The following LCA5 variants were observed in gnomAD, a reference collection of about 807,000 sequenced individuals.
The protein encoded by LCA5 is lebercilin LCA5.
A neutral mutation model predicts 53.0 loss-of-function variants in LCA5; 37 were observed. The ratio of observed to expected loss-of-function variants is 0.70; its 90% CI spans 0.54 to 0.92. The LOEUF (loss-of-function observed/expected upper bound fraction) is 0.92, where lower values mean the gene tolerates loss of function less well. Among genes scored for constraint, LCA5 ranks in the 40% least tolerant of loss-of-function variants. The pLI is 0.00. For synonymous variants in LCA5, 303 were observed against 282.9 expected, an observed-to-expected ratio of 1.07 and a Z score of -0.71; for missense variants, 806 against 790.5, an observed-to-expected ratio of 1.02 and a Z score of -0.23.
intron 6 of LCA5, among the ~76,000 whole-genome samples, chr6:79,490,200 T>C (rs2575201): frequency 0.46 from 69,165 of 151,930 alleles, 16,871 homozygotes; most frequent in East Asian, 0.82. Flanking sequence ...CAACTTAGCT[T>C]GTACTCTAAG....
chr6:79,538,018 G>GTTTTTTTTTTTTTTTTTTTTTTTT (rs869197362), upstream of LCA5, among the ~76,000 whole-genome samples: 3 of 44,164 alleles, frequency 6.8e-5, 1 homozygote, highest in Non-Finnish European at 4.2e-5. Context: ...TTGCACACAA[G>GTTTTTTTTTTTTTTTTTTTTTTTT]TTTTTTTTTT....
chr6:79,499,773 C>A (rs1770082557), intron 3 of LCA5, among the ~76,000 whole-genome samples: 1 of 150,624 alleles, frequency 6.6e-6, no homozygotes, highest in Admixed American at 6.6e-5. Context: ...TATACATGTG[C>A]CATGCTGGTG....
Position 79,489,081 on chromosome 6 carries a change from T to TA in LCA5, c.1231+2dup. On this transcript the variant is annotated splice_region_variant and intron_variant, in intron 7 of 7. Coordinates refer to ENST00000369846, the MANE Select transcript of LCA5 (RefSeq NM_001122769.3). ...ACATGCTTAAACAAACTCTTTTTCT[T>TA]ACCATCCTCCAGCTTTTCAACCTCC... is the stretch of plus-strand genomic sequence containing the variant. The TA allele has an allele frequency of 6.2e-7, 1 of 1,613,002 alleles. No individual in the cohort carries two copies. The highest frequency in any genetic ancestry group is 8.5e-7 in the Non-Finnish European group (1 of 1,179,756).
rs2655655 is a variant in LCA5 at position 79,518,824 on chromosome 6, A to G, written c.71T>C (p.Leu24Ser). The change falls in exon 2 of 8, where the codon TTA (leucine) becomes TCA (serine). Residue 24 changes from leucine to serine, a missense_variant. By Grantham distance (145) the Leu-to-Ser change is moderately radical (BLOSUM62 -2). Transcript: ENST00000369846. Reference sequence around the variant, plus strand: ...AGACTGTGGCGTTTCAAAATCAGATAAGTAAGAATAATGGTGTTTGCCTGC... The same window carrying G: ...AGACTGTGGCGTTTCAAAATCAGATGAGTAAGAATAATGGTGTTTGCCTGC... ...RKAGKHHYSY[L>S]SDFETPQSSG... 0.81 allele frequency: 1,301,007 copies of G among 1,613,654 alleles called. 526,825 individuals carry two copies. Among genetic ancestry groups the G allele is most frequent in the East Asian group, 0.99 (44,298 of 44,866 alleles).
upstream of LCA5, among the ~76,000 whole-genome samples, chr6:79,537,631 C>G (rs759449672): frequency 2.0e-5 from 3 of 152,152 alleles, no homozygotes; most frequent in Non-Finnish European, 4.4e-5. Flanking sequence ...GCGGAGCGCT[C>G]CAGGCTCCTA....
chr6:79,533,518 A>G (rs1487150931), intron 1 of LCA5, among the ~76,000 whole-genome samples: 1 of 152,068 alleles, frequency 6.6e-6, no homozygotes, highest in African/African-American at 2.4e-5. Flanking sequence ...ATGCTACTAC[A>G]GCAATTAATA....
intron 3 of LCA5, among the ~76,000 whole-genome samples, chr6:79,494,233 T>TA (rs11385077): frequency 0.094 from 13,757 of 146,444 alleles, 1,354 homozygotes; most frequent in East Asian, 0.52. Context: ...AAGACTATCT[T>TA]AAAAAAAAAA....
chr6:79,511,057 C>CA lies in LCA5; in HGVS notation c.720+2154dup, dbSNP rs201506875. Among the ~76,000 whole-genome samples, 798 of 143,128 alleles carry CA rather than the reference C, an allele frequency of 5.6e-3. 9 individuals carry two copies. The highest frequency in any genetic ancestry group is 0.016 in the African/African-American group (642 of 39,110). The allele number at this position is 143,128 out of a possible 152,430, so 93.9% of individuals were successfully genotyped here. Reference sequence around the variant, plus strand: ...AAAAACAACAACAAAGAAAAAAATACAAAAAAAAAAGAGAATGGAATGGCA... The same window carrying CA: ...AAAAACAACAACAAAGAAAAAAATACAAAAAAAAAAAGAGAATGGAATGGCA... On this transcript the variant is annotated intron_variant, in intron 3 of 7. Transcript: ENST00000369846.
rs1015070890 is a variant in LCA5 at position 79,485,379 on chromosome 6, G to A, written c.*1625C>T. ...ATTACATAATATTTTACCAATAACT[G>A]CATTACAAATAATATTGTTTTACAT... On this transcript the variant is annotated 3_prime_UTR_variant, in exon 8 of 8. Transcript: ENST00000369846. 1 of 152,416 alleles carries A rather than the reference G, an allele frequency of 6.6e-6. No homozygotes were observed. Among genetic ancestry groups the A allele is most frequent in the East Asian group, 1.9e-4 (1 of 5,196 alleles). The allele number at this position is 152,416 out of a possible 1,614,324, so 9.4% of individuals were successfully genotyped here. A position where few individuals can be genotyped will look rare whatever the true frequency, so the allele number is the denominator to read the frequency against.
chr6:79,536,789 T>A (rs980415763), intron 1 of LCA5, among the ~76,000 whole-genome samples: 3 of 151,742 alleles, frequency 2.0e-5, no homozygotes, highest in Non-Finnish European at 4.4e-5. Context: ...GCCTCCGGGG[T>A]TTTTGTTTTG....
At chr6:79,494,490 TATAGATAG>T (rs533125153) in intron 3 of LCA5, among the ~76,000 whole-genome samples, 4 of 150,992 alleles carry the variant, frequency 2.6e-5, no homozygotes, top group Non-Finnish European at 4.4e-5. Context: ...TAAAGCATCT[TATAGATAG>T]ATAGATAGAT....
rs779614572 is a variant in LCA5, at chr6:79,489,265, G to A, written c.1099-49C>T. ...AAGTTCACAAATTATAGAAAAGGGG[G>A]GGAACTAAGCAACACAGATTTATCC... On this transcript the variant is annotated intron_variant, in intron 6 of 7. Transcript: ENST00000369846. 18 of 1,580,636 alleles carry A rather than the reference G, an allele frequency of 1.1e-5. No homozygotes were observed. In the African/African-American group the frequency reaches 2.0e-4, roughly 18 times the overall value.
chr6:79,514,898 A>C (rs1232723790), intron 2 of LCA5, among the ~76,000 whole-genome samples: 1 of 152,238 alleles, frequency 6.6e-6, no homozygotes, highest in Middle Eastern at 3.4e-3. Flanking sequence ...ATCAGGAAAA[A>C]TACCTAATGG....
intron 1 of LCA5, among the ~76,000 whole-genome samples, chr6:79,529,568 T>G (rs1582656392): frequency 6.6e-6 from 1 of 152,196 alleles, no homozygotes; most frequent in Non-Finnish European, 1.5e-5. Context: ...AGGGTAACCT[T>G]GTGAGGGGTA....
At chr6:79,519,878 T>A (rs1338364355) in intron 1 of LCA5, among the ~76,000 whole-genome samples, 3 of 152,044 alleles carry the variant, frequency 2.0e-5, no homozygotes, top group African/African-American at 7.2e-5. Flanking sequence ...TACATAAATA[T>A]ATCATCCTTT....
At chr6:79,508,221 A>G (rs926031736) in intron 3 of LCA5, among the ~76,000 whole-genome samples, 1 of 152,144 alleles carries the variant, frequency 6.6e-6, no homozygotes, top group African/African-American at 2.4e-5. Context: ...ATCTTACAAG[A>G]TAGGCTGTAA....
chr6:79,524,194 C>A (rs1766714391), intron 1 of LCA5, among the ~76,000 whole-genome samples: 1 of 152,206 alleles, frequency 6.6e-6, no homozygotes, highest in Non-Finnish European at 1.5e-5. Flanking sequence ...CAACTACATT[C>A]TAGACCTATT....
Position 79,486,951 on chromosome 6 carries a change from T to C in LCA5, c.*53A>G, listed in dbSNP as rs1157427474. 1.0e-5 allele frequency: 14 copies of C among 1,372,874 alleles called. No homozygotes were observed. Among genetic ancestry groups the C allele is most frequent in the Non-Finnish European group, 1.4e-5 (14 of 998,922 alleles). The allele number at this position is 1,372,874 out of a possible 1,614,324, so 85.0% of individuals were successfully genotyped here. A position where few individuals can be genotyped will look rare whatever the true frequency, so the allele number is the denominator to read the frequency against. ...AAGTCTAAATGTTTATAATAAATAC[T>C]GTATTAAAATATTTCAATATTTACA... On this transcript the variant is annotated 3_prime_UTR_variant, in exon 8 of 8. Coordinates refer to ENST00000369846, the MANE Select transcript of LCA5 (RefSeq NM_001122769.3).
intron 1 of LCA5, among the ~76,000 whole-genome samples, chr6:79,529,666 G>A (rs574231939): frequency 1.3e-5 from 2 of 152,130 alleles, no homozygotes; most frequent in African/African-American, 4.8e-5. Flanking sequence ...TATGTTTATT[G>A]CGGCACTACT....
Sources: gnomAD v4.1 joint callset for allele counts (sites outside exome capture counted in the v4.1 genomes callset) on GRCh38, gnomAD v4.1.1 for gene constraint, MANE v1.5 for transcripts, NCBI Gene and HGNC (gene_info 2026-07-23, HGNC 2026-07-21) for gene names.